The following USP45 variants were observed in gnomAD, a reference collection of about 807,000 sequenced individuals.
The protein encoded by USP45 is ubiquitin specific peptidase 45.
Under a neutral mutation model 95.8 loss-of-function variants are expected in USP45, and 89 were observed. That is an observed-to-expected ratio of 0.93 (90% CI 0.78 to 1.11). The LOEUF (loss-of-function observed/expected upper bound fraction) is 1.11, where lower values mean the gene tolerates loss of function less well. Ranked by LOEUF, USP45 falls within the 50% of genes least tolerant of loss-of-function variation. The probability of loss-of-function intolerance (pLI) is 0.00; values close to 1 mark genes in which losing one functional copy is unlikely to be tolerated. For synonymous variants in USP45, 281 were observed against 316.2 expected (o/e 0.89, Z 1.18); for missense variants, 898 against 942.5 (o/e 0.95, Z 0.62).
At chr6:99,454,383 C>G (rs1487221692) in intron 13 of USP45, among the ~76,000 whole-genome samples, 2 of 152,076 alleles carry the variant, frequency 1.3e-5, no homozygotes, top group African/African-American at 4.8e-5. Context: ...GAGAAACACT[C>G]AGGACATTAG....
At chr6:99,488,554 AC>A in intron 6 of USP45, 126 bp downstream of exon 6, 1 of 1,088,674 alleles carries the variant, frequency 9.2e-7, no homozygotes, top group Non-Finnish European at 1.3e-6. Flanking sequence ...GATAGCGTAA[AC>A]AAAAGGAAAA....
At chr6:99,467,898 G>A (rs1450220104) in intron 10 of USP45, among the ~76,000 whole-genome samples, 1 of 148,228 alleles carries the variant, frequency 6.7e-6, no homozygotes, top group Non-Finnish European at 1.5e-5. Context: ...ATTTTTAAAT[G>A]TCTTCTAAAA....
intron 14 of USP45, among the ~76,000 whole-genome samples, chr6:99,445,579 G>A (rs1222474127): frequency 6.6e-6 from 1 of 151,894 alleles, no homozygotes. Context: ...CATTTTCAAG[G>A]CAGAGTTGTA....
intron 5 of USP45, among the ~76,000 whole-genome samples, chr6:99,500,264 A>G (rs1242806999): frequency 6.6e-6 from 1 of 152,122 alleles, no homozygotes; most frequent in Non-Finnish European, 1.5e-5. Context: ...AGCTGGCGTT[A>G]CAGGAATGTG....
chr6:99,441,106 T>G (rs533121840), intron 15 of USP45, among the ~76,000 whole-genome samples: 6 of 152,232 alleles, frequency 3.9e-5, no homozygotes, highest in Non-Finnish European at 8.8e-5. Flanking sequence ...ATCCTGCACA[T>G]TGGACATTTA....
At chr6:99,463,965 A>G (rs1787225322) in intron 13 of USP45, among the ~76,000 whole-genome samples, 1 of 152,148 alleles carries the variant, frequency 6.6e-6, no homozygotes, top group African/African-American at 2.4e-5. Flanking sequence ...TAATGAATTA[A>G]TATTTTTGAT....
At position 99,443,595 on chromosome 6, in the gene USP45, G is replaced by A; in HGVS notation, c.2043C>T (p.Val681=). 6.2e-7 allele frequency: 1 copy of A among 1,608,744 alleles called. No homozygotes were observed. Among genetic ancestry groups the A allele is most frequent in the Non-Finnish European group, 8.5e-7 (1 of 1,177,066 alleles). The change falls in exon 15 of 18, where the codon GTC becomes GTT. Residue 681 remains valine, a synonymous_variant. Transcript: ENST00000500704. ...GAAATCTTTTCAGGTGGAGAATTAGGACAGCTGGAACAGCAGAAATGAGCA... is the reference window on the plus strand; with the variant it reads ...GAAATCTTTTCAGGTGGAGAATTAGAACAGCTGGAACAGCAGAAATGAGCA... ...KQLLISAVPA[V]LILHLKRFHQ...
chr6:99,461,200 G>T (rs1471230428), intron 13 of USP45: 2 of 985,208 alleles, frequency 2.0e-6, no homozygotes, highest in African/African-American at 1.7e-5. Flanking sequence ...AATGAGCTGA[G>T]GCAGGATTTT....
chr6:99,459,159 A>T (rs1408528243), intron 13 of USP45, among the ~76,000 whole-genome samples: 1 of 152,068 alleles, frequency 6.6e-6, no homozygotes, highest in Non-Finnish European at 1.5e-5. Context: ...ACCCTCCAGT[A>T]GGCCCCAGTG....
chr6:99,438,136 A>C (rs1016251633), intron 16 of USP45, among the ~76,000 whole-genome samples: 1 of 152,206 alleles, frequency 6.6e-6, no homozygotes, highest in Non-Finnish European at 1.5e-5. Flanking sequence ...ATGTCTATAA[A>C]TTGGGGACTG....
rs550070466 is a variant in USP45 at position 99,473,928 on chromosome 6, AG to A, written c.933+2214del. Among the ~76,000 whole-genome samples the A allele has an allele frequency of 1.3e-3, 192 of 152,238 alleles. 2 individuals carry two copies. The highest frequency in any genetic ancestry group is 5.9e-4 in the Non-Finnish European group (40 of 68,000). ...GACATAAATCTAAATAGAAAGTGGT[AG>A]GGTTTATGATCAAATATGTAAAAGT... On this transcript the variant is annotated intron_variant, in intron 9 of 17. Coordinates refer to ENST00000500704, the MANE Select transcript of USP45 (RefSeq NM_001346022.3).
rs537387689 is a variant in USP45, at chr6:99,484,233, G to A, written c.715-1350C>T. 4.5e-4 allele frequency among the ~76,000 whole-genome samples: 68 copies of A among 151,360 alleles called. 1 individual carries two copies. In the South Asian group the frequency reaches 0.012, roughly 26 times the overall value. On this transcript the variant is annotated intron_variant, in intron 7 of 17. Coordinates refer to ENST00000500704, the MANE Select transcript of USP45 (RefSeq NM_001346022.3). ...CACCCAGGCTGGAGTGCAGTGGTGC[G>A]GTCAGCTCACTGTAACTTCAAACTC...
intron 5 of USP45, among the ~76,000 whole-genome samples, chr6:99,494,323 TAA>T (rs1194729126): frequency 1.3e-5 from 2 of 152,198 alleles, no homozygotes; most frequent in African/African-American, 4.8e-5. Context: ...TTCGGCACTT[TAA>T]AGTTTTTAAA....
intron 13 of USP45, among the ~76,000 whole-genome samples, chr6:99,458,619 CAATAT>C (rs932327156): frequency 3.3e-5 from 5 of 152,104 alleles, no homozygotes; most frequent in African/African-American, 4.8e-5. Flanking sequence ...CCTCTTGGCT[CAATAT>C]AATTGGTGTA....
intron 13 of USP45, among the ~76,000 whole-genome samples, chr6:99,447,030 A>G (rs1025001880): frequency 6.6e-6 from 1 of 152,188 alleles, no homozygotes; most frequent in African/African-American, 2.4e-5. Flanking sequence ...TTACTGTATA[A>G]GCCTTTCCAT....
intron 9 of USP45, among the ~76,000 whole-genome samples, chr6:99,475,550 A>G (rs1790613033): frequency 6.6e-6 from 1 of 152,012 alleles, no homozygotes; most frequent in Admixed American, 6.6e-5. Context: ...TCCTGACCTC[A>G]GGTGATCCAC....
In USP45 at chr6:99,433,030, G is replaced by A. The variant is rs1052299630; in HGVS notation, c.*2686C>T. 4 of 152,036 alleles carry A rather than the reference G, an allele frequency of 2.6e-5. No individual in the cohort carries two copies. Among genetic ancestry groups the A allele is most frequent in the African/African-American group, 9.7e-5 (4 of 41,398 alleles). The allele number at this position is 152,036 out of a possible 1,614,324, so 9.4% of individuals were successfully genotyped here. A position where few individuals can be genotyped will look rare whatever the true frequency, so the allele number is the denominator to read the frequency against. ...TATTTTTGAGACAGGGTCTCACTCC[G>A]TCACTCTGCAGGAATGCAGTGGTGT... is the stretch of plus-strand genomic sequence containing the variant. On this transcript the variant is annotated 3_prime_UTR_variant, in exon 18 of 18. Coordinates refer to ENST00000500704, the MANE Select transcript of USP45 (RefSeq NM_001346022.3).
At chr6:99,464,827 G>A (rs1041156737) in intron 12 of USP45, 80 bp from the exon 13 acceptor site, 29 of 1,406,878 alleles carry the variant, frequency 2.1e-5, no homozygotes, top group Non-Finnish European at 2.7e-5. Flanking sequence ...ATTTTTGACT[G>A]ACTTGAAATA....
intron 5 of USP45, among the ~76,000 whole-genome samples, chr6:99,498,841 TAA>T (rs1475682420): frequency 6.6e-6 from 1 of 152,222 alleles, no homozygotes; most frequent in Admixed American, 6.5e-5. Flanking sequence ...GCCAGACACT[TAA>T]GAGTCTTATA....
Sources: gnomAD v4.1 joint callset for allele counts (sites outside exome capture counted in the v4.1 genomes callset) on GRCh38, gnomAD v4.1.1 for gene constraint, MANE v1.5 for transcripts, NCBI Gene and HGNC (gene_info 2026-07-23, HGNC 2026-07-21) for gene names.